Variants in CAST observed in about 807,000 individuals in gnomAD.
CAST encodes calpastatin, also known as MIR583 host.
Under a neutral mutation model 119.6 loss-of-function variants are expected in CAST, and 76 were observed. The observed-to-expected ratio is 0.64, with a 90% CI of 0.53 to 0.77. The LOEUF is 0.77. Among genes scored for constraint, CAST ranks in the 30% least tolerant of loss-of-function variants. CAST has a pLI of 0.00. For missense variants in CAST, 953 were observed against 946.5 expected, an observed-to-expected ratio of 1.01 and a Z score of -0.09; for synonymous variants, 319 against 331.6, an observed-to-expected ratio of 0.96 and a Z score of 0.41.
chr5:96,436,346 C>T, the CAST span, among the ~76,000 whole-genome samples: 1 of 152,274 alleles, frequency 6.6e-6, no homozygotes, highest in African/African-American at 2.4e-5. Context: ...ATTTTCTTTA[C>T]ATGATACAAT....
At chr5:96,403,195 T>A in the CAST span, among the ~76,000 whole-genome samples, 6 of 152,310 alleles carry the variant, frequency 3.9e-5, no homozygotes, top group South Asian at 8.3e-4. Context: ...GTTTTAAAAA[T>A]TTCCTTTATC....
the CAST span, among the ~76,000 whole-genome samples, chr5:95,983,875 T>A: frequency 1.3e-5 from 2 of 152,192 alleles, no homozygotes; most frequent in African/African-American, 4.8e-5. Context: ...ATTTACAGCA[T>A]ACACCAAAAG....
the CAST span, among the ~76,000 whole-genome samples, chr5:96,141,486 T>C: frequency 1.3e-5 from 2 of 152,208 alleles, no homozygotes; most frequent in Non-Finnish European, 2.9e-5. Flanking sequence ...ATTTGATAAA[T>C]GCAGAATAGG....
At chr5:96,194,275 T>C in the CAST span, among the ~76,000 whole-genome samples, 3 of 152,190 alleles carry the variant, frequency 2.0e-5, no homozygotes, top group East Asian at 5.8e-4. Context: ...ATTGGAATCA[T>C]TTGAGGAGCT....
chr5:96,060,036 T>TA, the CAST span, among the ~76,000 whole-genome samples: 15 of 152,108 alleles, frequency 9.9e-5, no homozygotes, highest in African/African-American at 3.6e-4. Context: ...AATAGCACAA[T>TA]TATAGCAGCT....
intron 3 of CAST, among the ~76,000 whole-genome samples, chr5:96,707,169 A>G (rs1436166296): frequency 3.3e-5 from 5 of 152,146 alleles, no homozygotes; most frequent in African/African-American, 1.2e-4. Flanking sequence ...TAGCTAGAGG[A>G]GGAAAACTTC....
chr5:96,259,389 T>C, the CAST span, among the ~76,000 whole-genome samples: 4 of 152,226 alleles, frequency 2.6e-5, no homozygotes, highest in Non-Finnish European at 5.9e-5. Flanking sequence ...ACTTGCTGTC[T>C]TAGATCTGAA....
At chr5:96,542,890 T>C (rs1183798644) in intron 1 of CAST, among the ~76,000 whole-genome samples, 1 of 152,222 alleles carries the variant, frequency 6.6e-6, no homozygotes, top group East Asian at 1.9e-4. Flanking sequence ...AGGAAACAGA[T>C]GCTGGAGAGG....
At chr5:96,004,378 G>C in the CAST span, among the ~76,000 whole-genome samples, 1 of 152,124 alleles carries the variant, frequency 6.6e-6, no homozygotes, top group Non-Finnish European at 1.5e-5. Flanking sequence ...CTTGTTCCTA[G>C]GAAATGCACA....
chr5:96,618,644 T>C (rs1395356443), intron 1 of CAST, among the ~76,000 whole-genome samples: 1 of 151,890 alleles, frequency 6.6e-6, no homozygotes, highest in Non-Finnish European at 1.5e-5. Flanking sequence ...GCTTAGCACC[T>C]GGGCCAGCAG....
At chr5:95,987,632 A>T in the CAST span, among the ~76,000 whole-genome samples, 1 of 152,168 alleles carries the variant, frequency 6.6e-6, no homozygotes, top group African/African-American at 2.4e-5. Context: ...ACTACTTATT[A>T]GTTGTAAATC....
the CAST span, among the ~76,000 whole-genome samples, chr5:96,103,255 T>A: frequency 3.3e-5 from 5 of 152,020 alleles, no homozygotes; most frequent in Non-Finnish European, 5.9e-5. Flanking sequence ...ATGTGCAGGT[T>A]AGTTACATAT....
At chr5:96,024,004 CAAG>C in the CAST span, among the ~76,000 whole-genome samples, 6 of 151,968 alleles carry the variant, frequency 3.9e-5, no homozygotes, top group Admixed American at 3.9e-4. Flanking sequence ...TAAGTTCAGC[CAAG>C]AAATGAATTT....
At chr5:96,520,426 C>T (rs1314993588), upstream of CAST, among the ~76,000 whole-genome samples, 1 of 152,230 alleles carries the variant, frequency 6.6e-6, no homozygotes, top group Non-Finnish European at 1.5e-5. Context: ...AGATGCCCCA[C>T]AGGGGCCTCA....
the CAST span, among the ~76,000 whole-genome samples, chr5:96,302,200 T>G: frequency 6.6e-6 from 1 of 152,150 alleles, no homozygotes; most frequent in Non-Finnish European, 1.5e-5. Flanking sequence ...TGGGGTCCTT[T>G]TAGCACAGCT....
the CAST span, among the ~76,000 whole-genome samples, chr5:96,403,392 C>T: frequency 6.6e-6 from 1 of 152,068 alleles, no homozygotes; most frequent in East Asian, 1.9e-4. Context: ...TTAGGTATAT[C>T]TCCTAATGCT....
chr5:96,397,872 G>A, the CAST span, among the ~76,000 whole-genome samples: 1 of 151,972 alleles, frequency 6.6e-6, no homozygotes, highest in Non-Finnish European at 1.5e-5. Context: ...TGAAAATTTA[G>A]TAGGTGCCTG....
In CAST at chr5:96,725,693, A is replaced by C. The variant is rs1759127772; in HGVS notation, c.271-1101A>C. On this transcript the variant is annotated intron_variant, in intron 4 of 31. Coordinates refer to ENST00000675179, the MANE Select transcript of CAST (RefSeq NM_001750.7). ...AAGCTGCTTGTGTCTGTGAGCATAC[A>C]TTCTTAATTGTAGTGTAGGTTCTCC... Among the ~76,000 whole-genome samples the C allele has an allele frequency of 2.0e-5, 3 of 152,238 alleles. No homozygotes were observed. The South Asian group carries it at 6.2e-4, about 31-fold the overall frequency.
chr5:96,282,140 T>G, the CAST span, among the ~76,000 whole-genome samples: 1 of 135,688 alleles, frequency 7.4e-6, no homozygotes, highest in Admixed American at 8.7e-5. Context: ...TGGGATGGAT[T>G]CCTCCAGGAG....
Sources: allele counts gnomAD v4.1 joint callset (sites outside exome capture counted in the v4.1 genomes callset), GRCh38; gene constraint gnomAD v4.1.1; transcripts MANE v1.5; gene names NCBI Gene and HGNC (gene_info 2026-07-23, HGNC 2026-07-21).